GPR22: variants seen among roughly 807,000 people sequenced by gnomAD.
GPR22 encodes G-protein coupled receptor 22.
Under a neutral mutation model 31.0 loss-of-function variants are expected in GPR22, and 13 were observed. The ratio of observed to expected loss-of-function variants is 0.42; its 90% CI spans 0.27 to 0.67. The LOEUF is 0.67. Ranked by LOEUF, GPR22 falls within the 30% of genes least tolerant of loss-of-function variation. The pLI, the probability that GPR22 is intolerant of heterozygous loss-of-function variation, is 0.25. For synonymous variants in GPR22, 191 were observed against 173.4 expected (o/e 1.10, Z -0.80); for missense variants, 368 against 509.6 (o/e 0.72, Z 2.67).
intron 2 of GPR22, 58 bp from the exon 3 acceptor site, chr7:107,473,977 C>T (rs1026981770): frequency 1.9e-5 from 13 of 671,020 alleles, no homozygotes; most frequent in African/African-American, 9.1e-5. Flanking sequence ...ACAAAGAACA[C>T]GTTATACGTC....
At chr7:107,472,971 C>T (rs954288872) in intron 2 of GPR22, 2 of 151,612 alleles carry the variant, frequency 1.3e-5, no homozygotes, top group Non-Finnish European at 3.0e-5. Context: ...TTATTCTAAA[C>T]CCCTATATAT....
intron 2 of GPR22, chr7:107,472,945 C>A (rs1357891363): frequency 2.0e-5 from 3 of 151,704 alleles, no homozygotes; most frequent in Admixed American, 2.0e-4. Flanking sequence ...GAACATTAGA[C>A]ATTATTTTTT....
At position 107,475,044 on chromosome 7, in the gene GPR22, A is replaced by G; in HGVS notation, c.984A>G (p.Pro328=). Residue 328 remains proline, a synonymous_variant, in exon 3 of 3, where the codon CCA becomes CCG. Transcript: ENST00000304402. ...IISTFLLCWT[P]ISVLNTTILC... ...CTACATTTCTTCTCTGCTGGACACC[A>G]ATTTCTGTTTTAAATACCACCATTT... The G allele has an allele frequency of 1.9e-6, 3 of 1,612,984 alleles. No individual in the cohort carries two copies. The highest frequency in any genetic ancestry group is 2.5e-6 in the Non-Finnish European group (3 of 1,179,280).
At position 107,475,008 on chromosome 7, in the gene GPR22, A is replaced by G. The variant is rs760926144; in HGVS notation, c.948A>G (p.Leu316=). The G allele has an allele frequency of 1.2e-6, 2 of 1,612,670 alleles. No individual in the cohort carries two copies. The highest frequency in any genetic ancestry group is 1.7e-6 in the Non-Finnish European group (2 of 1,179,092). The change falls in exon 3 of 3, where the codon TTA becomes TTG. Residue 316 remains leucine (L), a synonymous_variant. Coordinates refer to ENST00000304402, the MANE Select transcript of GPR22 (RefSeq NM_005295.3). ...AAAAGAGAGTCTTCAGGATGTCTTT[A>G]TTGATTATTTCTACATTTCTTCTCT... is the stretch of plus-strand genomic sequence containing the variant. The part of the protein sequence containing the change: ...ERQKRVFRMS[L]LIISTFLLCW...
intron 2 of GPR22, chr7:107,472,586 C>T (rs1796701561): frequency 1.3e-5 from 2 of 151,924 alleles, no homozygotes; most frequent in South Asian, 4.1e-4. Flanking sequence ...AAATTTGGCA[C>T]ACTTAAAATT....
rs768391272 is a variant in GPR22, at chr7:107,474,942, C to T, written c.882C>T (p.Leu294=). 2 of 1,612,482 alleles carry T rather than the reference C, an allele frequency of 1.2e-6. No homozygotes were observed. Among genetic ancestry groups the T allele is most frequent in the African/African-American group, 1.3e-5 (1 of 74,766 alleles). The part of the protein sequence containing the change: ...VRTSVSVIIA[L]RRAVKRHRER... ...CTTCAGTTTCTGTAATAATTGCCCTCCGGCGAGCTGTGAAACGACACCGTG... is the reference window on the plus strand; with the variant it reads ...CTTCAGTTTCTGTAATAATTGCCCTTCGGCGAGCTGTGAAACGACACCGTG... The change falls in exon 3 of 3, where the codon CTC becomes CTT. Residue 294 remains leucine, a synonymous_variant. Transcript: ENST00000304402. The surrounding 1 kb of genome is among the most constrained non-coding windows in gnomAD (Gnocchi z 5.7).
Position 107,474,253 on chromosome 7 carries a change from C to A in GPR22, c.193C>A (p.Leu65Ile), listed in dbSNP as rs1420823758. ...GLGSNLTVLV[L>I]YCMKSNLINS... ...TGGCAGCAACCTCACTGTATTGGTA[C>A]TTTACTGCATGAAATCCAACTTAAT... The change falls in exon 3 of 3, where the codon CTT becomes ATT. Residue 65 changes from leucine to isoleucine, a missense_variant. Coordinates refer to ENST00000304402, the MANE Select transcript of GPR22 (RefSeq NM_005295.3). The surrounding 1 kb of genome is among the most constrained non-coding windows in gnomAD (Gnocchi z 5.7). 1 of 1,612,380 alleles carries A rather than the reference C, an allele frequency of 6.2e-7. No homozygotes were observed. Among genetic ancestry groups the A allele is most frequent in the East Asian group, 2.2e-5 (1 of 44,856 alleles).
downstream of GPR22, among the ~76,000 whole-genome samples, chr7:107,477,049 T>C (rs920295260): frequency 1.3e-5 from 2 of 151,716 alleles, no homozygotes; most frequent in African/African-American, 4.8e-5. Flanking sequence ...TTTAAAAAAA[T>C]GCTTCAATTT....
intron 2 of GPR22, among the ~76,000 whole-genome samples, chr7:107,473,671 T>G (rs573128384): frequency 6.6e-6 from 1 of 151,956 alleles, no homozygotes; most frequent in African/African-American, 2.4e-5. Context: ...AACATTTAAA[T>G]GAAATTTTAA....
Position 107,474,892 on chromosome 7 carries a change from A to G in GPR22, c.832A>G (p.Arg278Gly). The change falls in exon 3 of 3, where the codon AGA (arginine) becomes GGA (glycine). Residue 278 changes from arginine to glycine, a missense_variant. Transcript: ENST00000304402. The surrounding 1 kb of genome is among the most constrained non-coding windows in gnomAD (Gnocchi z 5.7). ...AGACATGTCACAAAGCAGTGGTGGG[A>G]GAAATGTAGTCTTTGGTGTAAGAAC... ...ATDMSQSSGG[R>G]NVVFGVRTSV... 1 of 1,613,232 alleles carries G rather than the reference A, an allele frequency of 6.2e-7. No individual in the cohort carries two copies. The highest frequency in any genetic ancestry group is 8.5e-7 in the Non-Finnish European group (1 of 1,179,502).
rs1209851674 is a variant in GPR22 at position 107,474,168 on chromosome 7, T to C, written c.108T>C (p.Tyr36=). 3 of 1,612,112 alleles carry C rather than the reference T, an allele frequency of 1.9e-6. No individual in the cohort carries two copies. The highest frequency in any genetic ancestry group is 1.1e-5 in the South Asian group (1 of 91,048). The part of the protein sequence containing the change: ...INTNMYQPLS[Y]PLSFQVSLTG... ...CCAATATGTACCAACCACTATCATA[T>C]CCGTTAAGCTTTCAAGTGTCTCTCA... Residue 36 remains tyrosine (Y), a synonymous_variant, in exon 3 of 3, where the codon TAT becomes TAC. Transcript: ENST00000304402. The surrounding 1 kb of genome is among the most constrained non-coding windows in gnomAD (Gnocchi z 5.7).
At chr7:107,477,815 T>A (rs182631277), downstream of GPR22, among the ~76,000 whole-genome samples, 97 of 152,052 alleles carry the variant, frequency 6.4e-4, no homozygotes, top group African/African-American at 2.2e-3. Context: ...CAACTTTTTG[T>A]ATTAAACATC....
Position 107,474,366 on chromosome 7 carries a change from C to A in GPR22, c.306C>A (p.Ile102=), listed in dbSNP as rs1036638774. ...CVGCIPLTIV[I]LLLSLESNTA... is the part of the protein sequence containing the mutation. The stretch of plus-strand genomic sequence containing the variant: ...GATGTATTCCTCTAACTATAGTTAT[C>A]CTTCTGCTTTCACTGGAGAGTAACA... The change falls in exon 3 of 3, where the codon ATC becomes ATA. Residue 102 remains isoleucine, a synonymous_variant. Coordinates refer to ENST00000304402, the MANE Select transcript of GPR22 (RefSeq NM_005295.3). The surrounding 1 kb of genome is among the most constrained non-coding windows in gnomAD (Gnocchi z 5.7). The A allele has an allele frequency of 1.4e-5, 23 of 1,612,514 alleles. No individual in the cohort carries two copies. The Admixed American group carries it at 3.8e-4, about 27-fold the overall frequency.
Position 107,474,163 on chromosome 7 carries a change from T to C in GPR22, c.103T>C (p.Ser35Pro). The C allele has an allele frequency of 1.2e-6, 2 of 1,611,256 alleles. No homozygotes were observed. Among genetic ancestry groups the C allele is most frequent in the Non-Finnish European group, 8.5e-7 (1 of 1,177,666 alleles). Residue 35 changes from serine (S) to proline (P), a missense_variant, in exon 3 of 3, where the codon TCA becomes CCA. Transcript: ENST00000304402. This position sits in a 1 kb window ranked among gnomAD's most constrained non-coding sequence, Gnocchi z 5.7. ...DINTNMYQPL[S>P]YPLSFQVSLT... Reference sequence around the variant, plus strand: ...CAACACCAATATGTACCAACCACTATCATATCCGTTAAGCTTTCAAGTGTC... The same window carrying C: ...CAACACCAATATGTACCAACCACTACCATATCCGTTAAGCTTTCAAGTGTC...
chr7:107,474,217 G>T lies in GPR22; in HGVS notation c.157G>T (p.Val53Leu). The part of the protein sequence containing the change: ...SLTGFLMLEI[V>L]LGLGSNLTVL... ...CACCGGATTTCTTATGTTAGAAATT[G>T]TGTTGGGACTTGGCAGCAACCTCAC... is the stretch of plus-strand genomic sequence containing the variant. Residue 53 changes from valine (V) to leucine (L), a missense_variant, in exon 3 of 3, where the codon GTG (valine) becomes TTG (leucine). Transcript: ENST00000304402. The surrounding 1 kb of genome is among the most constrained non-coding windows in gnomAD (Gnocchi z 5.7). 6.2e-7 allele frequency: 1 copy of T among 1,613,184 alleles called. No individual in the cohort carries two copies. Among genetic ancestry groups the T allele is most frequent in the Non-Finnish European group, 8.5e-7 (1 of 1,179,378 alleles).
At chr7:107,471,318 A>C (rs1254731800) in intron 1 of GPR22, 54 bp from the exon 2 acceptor site, 1 of 152,052 alleles carries the variant, frequency 6.6e-6, no homozygotes, top group Non-Finnish European at 1.5e-5. Flanking sequence ...ACTTGCAATT[A>C]ATTACAAATT....
In GPR22 at chr7:107,471,966, C is replaced by T. The variant is rs962711829; in HGVS notation, c.-363C>T. 4.6e-5 allele frequency: 7 copies of T among 151,922 alleles called. No individual in the cohort carries two copies. The South Asian group carries it at 6.2e-4, about 13-fold the overall frequency. 9.4% of individuals were successfully genotyped at this position (151,922 alleles called of 1,614,324 possible). On this transcript the variant is annotated 5_prime_UTR_variant, in exon 2 of 3. Transcript: ENST00000304402. ...AGAAATCATTTCAAAATAGTGAGCACTGCTATTAAAAACAGATTTACAATG... is the reference window on the plus strand; with the variant it reads ...AGAAATCATTTCAAAATAGTGAGCATTGCTATTAAAAACAGATTTACAATG...
downstream of GPR22, among the ~76,000 whole-genome samples, chr7:107,475,907 T>A (rs1328678165): frequency 6.6e-6 from 1 of 151,488 alleles, no homozygotes; most frequent in Non-Finnish European, 1.5e-5. Flanking sequence ...TGAAGCTTTA[T>A]TCTTTTAAAT....
At chr7:107,476,449 C>T (rs1305232291), downstream of GPR22, among the ~76,000 whole-genome samples, 2 of 151,384 alleles carry the variant, frequency 1.3e-5, no homozygotes, top group Non-Finnish European at 3.0e-5. Context: ...GTTTTATTTC[C>T]ACACTGAAAT....
Sources: allele counts gnomAD v4.1 joint callset (sites outside exome capture counted in the v4.1 genomes callset), GRCh38; gene constraint gnomAD v4.1.1; non-coding constraint Gnocchi (gnomAD v3.1); transcripts MANE v1.5; gene names NCBI Gene and HGNC (gene_info 2026-07-23, HGNC 2026-07-21).